ERCC6L2: variants seen among roughly 807,000 people sequenced by gnomAD.
ERCC6L2 encodes the protein ERCC excision repair 6 like 2.
ERCC6L2 carries 77 observed loss-of-function variants against 132.0 expected under a neutral mutation model. The ratio of observed to expected loss-of-function variants is 0.58; its 90% CI spans 0.49 to 0.71. The LOEUF (loss-of-function observed/expected upper bound fraction) is 0.71. Among genes scored for constraint, ERCC6L2 ranks in the 30% least tolerant of loss-of-function variants. The pLI is 0.00. For synonymous variants in ERCC6L2, 583 were observed against 632.4 expected, an observed-to-expected ratio of 0.92 and a Z score of 1.17; for missense variants, 1,542 against 1,837.6, an observed-to-expected ratio of 0.84 and a Z score of 2.94.
chr9:95,996,214 A>G (rs1299412215), intron 17 of ERCC6L2, among the ~76,000 whole-genome samples: 1 of 152,240 alleles, frequency 6.6e-6, no homozygotes, highest in Non-Finnish European at 1.5e-5. Context: ...AGTGGTCTGG[A>G]TCAAAGATCA....
chr9:95,881,423 C>T, intron 2 of ERCC6L2, 130 bp downstream of exon 2: 6 of 643,154 alleles, frequency 9.3e-6, no homozygotes, highest in Non-Finnish European at 1.4e-5. Flanking sequence ...GTGTTTGTCT[C>T]ACTAACTAGA....
intron 17 of ERCC6L2, among the ~76,000 whole-genome samples, chr9:95,987,965 A>G (rs1438753913): frequency 6.6e-6 from 1 of 152,210 alleles, no homozygotes; most frequent in Non-Finnish European, 1.5e-5. Context: ...GGAAGCTGCC[A>G]AGGCTTGGGG....
intron 4 of ERCC6L2, among the ~76,000 whole-genome samples, chr9:95,914,925 A>G (rs1208615434): frequency 6.6e-6 from 1 of 151,900 alleles, no homozygotes; most frequent in Non-Finnish European, 1.5e-5. Flanking sequence ...ATCTGTTTTT[A>G]GTTAATTTTC....
intron 9 of ERCC6L2, among the ~76,000 whole-genome samples, chr9:95,924,168 G>C (rs973800562): frequency 1.3e-5 from 2 of 151,404 alleles, no homozygotes; most frequent in South Asian, 2.1e-4. Context: ...GACATAAAAA[G>C]AATAAAAAGG....
At chr9:95,971,559 C>G (rs529041857) in intron 15 of ERCC6L2, 3 of 155,310 alleles carry the variant, frequency 1.9e-5, no homozygotes, top group Non-Finnish European at 2.9e-5. Context: ...TTGGAAGCAT[C>G]TGCTAGATGA....
intron 19 of ERCC6L2, among the ~76,000 whole-genome samples, chr9:96,032,541 G>A (rs1000477022): frequency 9.2e-5 from 14 of 152,164 alleles, no homozygotes; most frequent in African/African-American, 3.1e-4. Context: ...CTGCTTCTTG[G>A]GTGTTCATTC....
chr9:95,928,407 T>G (rs1830191942), intron 10 of ERCC6L2: 1 of 405,656 alleles, frequency 2.5e-6, no homozygotes, highest in Non-Finnish European at 4.3e-6. Context: ...TTTAAGACAT[T>G]TCATATATTT....
chr9:96,024,778 C>T (rs963432693), intron 19 of ERCC6L2, among the ~76,000 whole-genome samples: 2 of 152,162 alleles, frequency 1.3e-5, no homozygotes, highest in African/African-American at 2.4e-5. Flanking sequence ...TCCTTGGGCA[C>T]CTCACACTCA....
At chr9:95,955,099 C>T (rs1831534595) in intron 12 of ERCC6L2, among the ~76,000 whole-genome samples, 1 of 152,176 alleles carries the variant, frequency 6.6e-6, no homozygotes, top group Admixed American at 6.6e-5. Context: ...ATAAAGCCTC[C>T]ATATGAGAGA....
chr9:95,989,094 C>CA (rs1431460027), intron 17 of ERCC6L2, among the ~76,000 whole-genome samples: 1 of 152,168 alleles, frequency 6.6e-6, no homozygotes, highest in Admixed American at 6.5e-5. Flanking sequence ...GAGTGCTGTG[C>CA]CCTCTGGGAA....
chr9:95,913,569 G>T (rs1349234339), intron 4 of ERCC6L2, among the ~76,000 whole-genome samples: 5 of 152,122 alleles, frequency 3.3e-5, no homozygotes, highest in African/African-American at 1.2e-4. Flanking sequence ...AAGTTAGAAT[G>T]ATTTTTAGTG....
intron 10 of ERCC6L2, chr9:95,928,410 A>G (rs1202553260): frequency 2.0e-5 from 8 of 405,194 alleles, no homozygotes; most frequent in Non-Finnish European, 3.0e-5. Flanking sequence ...AAGACATTTC[A>G]TATATTTTAG....
chr9:95,911,106 G>A (rs760250659), intron 4 of ERCC6L2, among the ~76,000 whole-genome samples: 2 of 152,088 alleles, frequency 1.3e-5, no homozygotes, highest in Admixed American at 6.6e-5. Context: ...TGTTGCCCAG[G>A]TTGATCTCAA....
chr9:95,916,127 T>G (rs1829573226), intron 5 of ERCC6L2, 100 bp from the exon 6 acceptor site: 1 of 1,116,958 alleles, frequency 9.0e-7, no homozygotes, highest in African/African-American at 1.6e-5. Context: ...TTGTTTTTGT[T>G]ACCGTTGATA....
chr9:95,883,096 C>G (rs1827681549), intron 2 of ERCC6L2, among the ~76,000 whole-genome samples: 1 of 152,010 alleles, frequency 6.6e-6, no homozygotes, highest in Admixed American at 6.6e-5. Context: ...AGGAAAGGAC[C>G]CCCAGGCCTC....
At chr9:95,876,260 C>G (rs1827262561) in intron 1 of ERCC6L2, 176 bp downstream of exon 1, 1 of 565,896 alleles carries the variant, frequency 1.8e-6, no homozygotes, top group Non-Finnish European at 3.0e-6. Context: ...TGTTGAGAAC[C>G]TGGACTCGGG....
intron 11 of ERCC6L2, among the ~76,000 whole-genome samples, chr9:95,930,214 C>T (rs1240755935): frequency 6.6e-6 from 1 of 151,690 alleles, no homozygotes; most frequent in Non-Finnish European, 1.5e-5. Context: ...CTTTGGAGAC[C>T]GGTTGTAGGA....
At chr9:95,983,728 AT>A (rs1832978746) in intron 17 of ERCC6L2, among the ~76,000 whole-genome samples, 1 of 152,238 alleles carries the variant, frequency 6.6e-6, no homozygotes. Context: ...AAAATTACAG[AT>A]TAAAGGAATT....
chr9:95,999,357 T>A (rs1833578620), intron 17 of ERCC6L2, among the ~76,000 whole-genome samples: 1 of 126,792 alleles, frequency 7.9e-6, no homozygotes, highest in South Asian at 2.4e-4. Context: ...TGAGACTCTG[T>A]CTCAAAAAAA....
Sources: gnomAD v4.1 joint callset for allele counts (sites outside exome capture counted in the v4.1 genomes callset) on GRCh38, gnomAD v4.1.1 for gene constraint, MANE v1.5 for transcripts, NCBI Gene and HGNC (gene_info 2026-07-23, HGNC 2026-07-21) for gene names.